ARHGEF39: variants seen among roughly 807,000 people sequenced by gnomAD.
ARHGEF39 encodes the protein Rho guanine nucleotide exchange factor (GEF) 39.
Under a neutral mutation model 47.5 loss-of-function variants are expected in ARHGEF39, and 45 were observed. The ratio of observed to expected loss-of-function variants is 0.95; its 90% CI spans 0.75 to 1.22. ARHGEF39 has a LOEUF of 1.22. ARHGEF39 is among the 50% of genes most tolerant of loss of function. The pLI, the probability that ARHGEF39 is intolerant of heterozygous loss-of-function variation, is 0.00. For missense variants in ARHGEF39, 411 were observed against 425.3 expected (o/e 0.97, Z 0.30); for synonymous variants, 164 against 167.8 (o/e 0.98, Z 0.17).
chr9:35,660,920 C>A lies in ARHGEF39; in HGVS notation c.*1067G>T. 6.2e-7 allele frequency: 1 copy of A among 1,614,168 alleles called. No homozygotes were observed. The highest frequency in any genetic ancestry group is 8.5e-7 in the Non-Finnish European group (1 of 1,180,034). On this transcript the variant is annotated 3_prime_UTR_variant, in exon 9 of 9. Coordinates refer to ENST00000378387, the MANE Select transcript of ARHGEF39 (RefSeq NM_032818.3). ...ACAAAGTCTCTGAAACTGGAACATT[C>A]CTGATCTCTCCCCACACAGAGGCCA...
Position 35,660,327 on chromosome 9 carries a change from G to C in ARHGEF39, c.*1660C>G. The C allele has an allele frequency of 2.3e-6, 3 of 1,316,692 alleles. No homozygotes were observed. Among genetic ancestry groups the C allele is most frequent in the Non-Finnish European group, 3.2e-6 (3 of 952,052 alleles). 81.6% of individuals were successfully genotyped at this position (1,316,692 alleles called of 1,614,324 possible). On this transcript the variant is annotated 3_prime_UTR_variant, in exon 9 of 9. Coordinates refer to ENST00000378387, the MANE Select transcript of ARHGEF39 (RefSeq NM_032818.3). ...CCATCTCAAATTGCACTCTCTCTTG[G>C]CTGGCTCTGGAGACTGAGGTGATGG...
In ARHGEF39 at chr9:35,662,515, G is replaced by A; in HGVS notation, c.900C>T (p.Leu300=). ...AGGGTTCCCACCTATTACTTACACT[G>A]AGCAACCCACCACAAGGGCCTCCTG... ...GHSGGPCGGL[L]SLSFPHEKLL... is the part of the protein sequence containing the mutation. The change falls in exon 7 of 9, where the codon CTC becomes CTT. Residue 300 remains leucine (L), a synonymous_variant. Transcript: ENST00000378387. 6.2e-7 allele frequency: 1 copy of A among 1,612,830 alleles called. No homozygotes were observed. The highest frequency in any genetic ancestry group is 8.5e-7 in the Non-Finnish European group (1 of 1,179,418).
Position 35,660,169 on chromosome 9 carries a change from G to T in ARHGEF39, c.*1818C>A. The T allele has an allele frequency of 2.2e-6, 1 of 456,124 alleles. No individual in the cohort carries two copies. The highest frequency in any genetic ancestry group is 3.8e-5 in the East Asian group (1 of 26,470). The allele number at this position is 456,124 out of a possible 1,614,324, so 28.3% of individuals were successfully genotyped here. On this transcript the variant is annotated 3_prime_UTR_variant, in exon 9 of 9. Transcript: ENST00000378387. ...CACCAGAGCTTTTTTCAAACCGGAG[G>T]GAGTTGCTCATTCCTGGAGGTGTTT...
Position 35,660,241 on chromosome 9 carries a change from G to A in ARHGEF39, c.*1746C>T. On this transcript the variant is annotated 3_prime_UTR_variant, in exon 9 of 9. Transcript: ENST00000378387. The stretch of plus-strand genomic sequence containing the variant: ...GACATAGGACGTCGCTTCATATGCT[G>A]GGTGAGGAGCTAGATAGACTAGGAT... The A allele has an allele frequency of 1.6e-6, 1 of 623,452 alleles. No homozygotes were observed. The highest frequency in any genetic ancestry group is 2.8e-6 in the Non-Finnish European group (1 of 358,498). 38.6% of individuals were successfully genotyped at this position (623,452 alleles called of 1,614,324 possible).
rs533238908 is a variant in ARHGEF39 at position 35,662,634 on chromosome 9, G to C, written c.781C>G (p.Arg261Gly). The change falls in exon 7 of 9, where the codon CGG becomes GGG. Residue 261 changes from arginine to glycine, a missense_variant. Arg to Gly is a moderately radical substitution (Grantham distance 125). Coordinates refer to ENST00000378387, the MANE Select transcript of ARHGEF39 (RefSeq NM_032818.3). ...FTDVLLMAKP[R>G]PPLHLLRSGT... ...CTCCGCAGCAGGTGCAGTGGAGGCC[G>C]AGGCTTGGCCATGAGGAGCACATCA... 28 of 1,613,692 alleles carry C rather than the reference G, an allele frequency of 1.7e-5. No homozygotes were observed. The South Asian group carries it at 2.6e-4, about 15-fold the overall frequency.
intron 4 of ARHGEF39, 56 bp downstream of exon 4, chr9:35,663,952 G>A: frequency 6.5e-7 from 1 of 1,546,306 alleles, no homozygotes; most frequent in Non-Finnish European, 8.9e-7. Context: ...CAAAGCTGAG[G>A]GCAGCAGTCA....
chr9:35,660,275 T>G lies in ARHGEF39; in HGVS notation c.*1712A>C. 2.6e-6 allele frequency: 2 copies of G among 775,038 alleles called. No individual in the cohort carries two copies. The highest frequency in any genetic ancestry group is 4.2e-6 in the Non-Finnish European group (2 of 472,548). 48.0% of individuals were successfully genotyped at this position (775,038 alleles called of 1,614,324 possible). On this transcript the variant is annotated 3_prime_UTR_variant, in exon 9 of 9. Coordinates refer to ENST00000378387, the MANE Select transcript of ARHGEF39 (RefSeq NM_032818.3). ...GCTAGATAGACTAGGATTGTGATTC[T>G]CTGAGGTAAAAACCCAATCACTGTC...
In ARHGEF39 at chr9:35,660,443, C is replaced by G. The variant is rs374274041; in HGVS notation, c.*1544G>C. On this transcript the variant is annotated 3_prime_UTR_variant, in exon 9 of 9. Transcript: ENST00000378387. ...GGTTCTCCACGAGGAGGCAAGCAAG[C>G]AGCAGCCACTGCAGTCAGGTGGGTT... The G allele has an allele frequency of 3.6e-5, 58 of 1,612,562 alleles. No homozygotes were observed. The highest frequency in any genetic ancestry group is 4.7e-5 in the Non-Finnish European group (56 of 1,179,368).
chr9:35,662,200 T>C lies in ARHGEF39; in HGVS notation c.971A>G (p.His324Arg). 6.2e-7 allele frequency: 1 copy of C among 1,614,122 alleles called. No homozygotes were observed. ...TDQEELSRWY[H>R]SLTWAISSQK... Reference sequence around the variant, plus strand: ...TTACCTGATAGCCCAAGTCAGACTGTGGTACCAGCGTGACAGCTCCTCCTG... The same window carrying C: ...TTACCTGATAGCCCAAGTCAGACTGCGGTACCAGCGTGACAGCTCCTCCTG... Residue 324 changes from histidine (H) to arginine (R), a missense_variant, in exon 8 of 9, where the codon CAC becomes CGC. Coordinates refer to ENST00000378387, the MANE Select transcript of ARHGEF39 (RefSeq NM_032818.3).
At position 35,664,465 on chromosome 9, in the gene ARHGEF39, T is replaced by C. The variant is rs1184594456; in HGVS notation, c.261A>G (p.Gly87=). Residue 87 remains glycine, a synonymous_variant, in exon 3 of 9, where the codon GGA becomes GGG. Transcript: ENST00000378387. The part of the protein sequence containing the change: ...SQELLPYLEG[G]CWGQGLEGFC... ...AGCCCTCCAGCCCTTGGCCCCAGCATCCTCCTTCCAGGTAGGGAAGCAGCT... is the reference window on the plus strand; with the variant it reads ...AGCCCTCCAGCCCTTGGCCCCAGCACCCTCCTTCCAGGTAGGGAAGCAGCT... 9.3e-6 allele frequency: 15 copies of C among 1,606,692 alleles called. No individual in the cohort carries two copies. The highest frequency in any genetic ancestry group is 1.3e-5 in the African/African-American group (1 of 74,536).
chr9:35,663,513 C>T, intron 4 of ARHGEF39, 121 bp from the exon 5 acceptor site: 1 of 810,264 alleles, frequency 1.2e-6, no homozygotes, highest in Non-Finnish European at 2.0e-6. Context: ...CTGCTTCTGG[C>T]TACTGTATCC....
intron 1 of ARHGEF39, 41 bp from the exon 2 acceptor site, chr9:35,664,891 A>T (rs1365223612): frequency 1.3e-5 from 21 of 1,591,542 alleles, no homozygotes; most frequent in African/African-American, 4.0e-5. Flanking sequence ...CTAGAGGAAG[A>T]GAAGGCTAAC....
chr9:35,660,598 G>C lies in ARHGEF39; in HGVS notation c.*1389C>G. On this transcript the variant is annotated 3_prime_UTR_variant, in exon 9 of 9. Coordinates refer to ENST00000378387, the MANE Select transcript of ARHGEF39 (RefSeq NM_032818.3). ...GTTGACACAACAGCTGGCCCAGACA[G>C]AGCAGCACCTGAACAACCTGATGGC... 2.5e-6 allele frequency: 4 copies of C among 1,614,210 alleles called. No individual in the cohort carries two copies. The highest frequency in any genetic ancestry group is 3.4e-6 in the Non-Finnish European group (4 of 1,180,036).
In ARHGEF39 at chr9:35,663,495, G is replaced by C. The variant is rs906605245; in HGVS notation, c.474-103C>G. ...CTACCCATACTTCAATTGAAGGCCA[G>C]GAAAGATCTGCTTCTGGCTACTGTA... On this transcript the variant is annotated intron_variant, in intron 4 of 8. Coordinates refer to ENST00000378387, the MANE Select transcript of ARHGEF39 (RefSeq NM_032818.3). 1.4e-5 allele frequency: 14 copies of C among 990,526 alleles called. No homozygotes were observed. In the African/African-American group the frequency reaches 2.3e-4, roughly 16 times the overall value. The allele number at this position is 990,526 out of a possible 1,614,324, so 61.4% of individuals were successfully genotyped here. A position where few individuals can be genotyped will look rare whatever the true frequency, so the allele number is the denominator to read the frequency against.
rs759040206 is a variant in ARHGEF39 at position 35,662,196 on chromosome 9, A to G, written c.975T>C (p.Ser325=). The change falls in exon 8 of 9, where the codon AGT becomes AGC. Residue 325 remains serine (S), a synonymous_variant. Coordinates refer to ENST00000378387, the MANE Select transcript of ARHGEF39 (RefSeq NM_032818.3). ...DQEELSRWYH[S]LTWAISSQKN is the part of the protein sequence containing the mutation. ...CAACTTACCTGATAGCCCAAGTCAG[A>G]CTGTGGTACCAGCGTGACAGCTCCT... is the stretch of plus-strand genomic sequence containing the variant. The G allele has an allele frequency of 6.2e-7, 1 of 1,614,128 alleles. No homozygotes were observed. Among genetic ancestry groups the G allele is most frequent in the East Asian group, 2.2e-5 (1 of 44,886 alleles).
In ARHGEF39 at chr9:35,662,525, C is replaced by T. The variant is rs756597743; in HGVS notation, c.890G>A (p.Gly297Asp). 3.1e-6 allele frequency: 5 copies of T among 1,613,502 alleles called. No individual in the cohort carries two copies. The highest frequency in any genetic ancestry group is 4.2e-6 in the Non-Finnish European group (5 of 1,179,746). Reference sequence around the variant, plus strand: ...CCTATTACTTACACTGAGCAACCCACCACAAGGGCCTCCTGAGTGGCCAAA... The same window carrying T: ...CCTATTACTTACACTGAGCAACCCATCACAAGGGCCTCCTGAGTGGCCAAA... ...RVFGHSGGPC[G>D]GLLSLSFPHE... Residue 297 changes from glycine to aspartate, a missense_variant, in exon 7 of 9, where the codon GGT (glycine) becomes GAT (aspartate). Transcript: ENST00000378387.
chr9:35,662,310 AG>A lies in ARHGEF39; in HGVS notation c.904-44del, dbSNP rs1464833880. 1.9e-6 allele frequency: 3 copies of A among 1,578,588 alleles called. No individual in the cohort carries two copies. In the African/African-American group the frequency reaches 4.0e-5, roughly 21 times the overall value. On this transcript the variant is annotated intron_variant, in intron 7 of 8. Coordinates refer to ENST00000378387, the MANE Select transcript of ARHGEF39 (RefSeq NM_032818.3). ...CTTAGCGCATGGCTCAGAAAGGTCC[AG>A]GCTAAAGCTGAAGCCCTTGCTGTTT...
In ARHGEF39 at chr9:35,662,684, C is replaced by T. The variant is rs1273418400; in HGVS notation, c.731G>A (p.Arg244Gln). The T allele has an allele frequency of 3.1e-6, 5 of 1,590,640 alleles. No homozygotes were observed. The highest frequency in any genetic ancestry group is 1.1e-5 in the South Asian group (1 of 88,682). Reference sequence around the variant, plus strand: ...AGTGAAGAGGAAGAACATGCGGGGCCGAGGCTCCCCATGGGGAGGCACCAC... The same window carrying T: ...AGTGAAGAGGAAGAACATGCGGGGCTGAGGCTCCCCATGGGGAGGCACCAC... The part of the protein sequence containing the change: ...LLVVPPHGEP[R>Q]PRMFFLFTDV... The change falls in exon 7 of 9, where the codon CGG becomes CAG. Residue 244 changes from arginine (R) to glutamine (Q), a missense_variant. Coordinates refer to ENST00000378387, the MANE Select transcript of ARHGEF39 (RefSeq NM_032818.3).
intron 5 of ARHGEF39, 22 bp from the exon 6 acceptor site, chr9:35,663,096 T>G (rs1470051554): frequency 6.2e-7 from 1 of 1,610,942 alleles, no homozygotes; most frequent in South Asian, 1.1e-5. Context: ...TCTCCCACCT[T>G]ACTCCCCATA....
Sources: allele counts gnomAD v4.1 joint callset, GRCh38; gene constraint gnomAD v4.1.1; transcripts MANE v1.5; gene names NCBI Gene and HGNC (gene_info 2026-07-23, HGNC 2026-07-21).